RERE: variants seen among roughly 807,000 people sequenced by gnomAD.
RERE encodes arginine-glutamic acid dipeptide repeats protein.
RERE carries 40 observed loss-of-function variants against 146.1 expected under a neutral mutation model. The ratio of observed to expected loss-of-function variants is 0.27; its 90% CI spans 0.21 to 0.36. The LOEUF (loss-of-function observed/expected upper bound fraction) is 0.36. Ranked by LOEUF, RERE falls within the 10% of genes least tolerant of loss-of-function variation. RERE has a pLI of 1.00. For synonymous variants in RERE, 1,003 were observed against 866.0 expected, an observed-to-expected ratio of 1.16 and a Z score of -2.78; for missense variants, 1,933 against 2,138.7, an observed-to-expected ratio of 0.90 and a Z score of 1.90.
At chr1:8,690,490 A>G (rs567830121) in intron 1 of RERE, among the ~76,000 whole-genome samples, 1 of 152,258 alleles carries the variant, frequency 6.6e-6, no homozygotes, top group African/African-American at 2.4e-5. Context: ...GATTGTCTCT[A>G]GGCAGAAATT....
intron 12 of RERE, among the ~76,000 whole-genome samples, chr1:8,368,428 C>A (rs920849108): frequency 6.7e-6 from 1 of 149,050 alleles, no homozygotes; most frequent in Non-Finnish European, 1.5e-5. Flanking sequence ...GAGCCGAGAT[C>A]GTGCCACTGC....
chr1:8,659,382 C>T (rs929031965), intron 1 of RERE, among the ~76,000 whole-genome samples: 4 of 152,212 alleles, frequency 2.6e-5, no homozygotes, highest in Non-Finnish European at 5.9e-5. Flanking sequence ...GATGGCGAAA[C>T]CCTGTCTCTA....
At chr1:8,601,626 C>CCCCA (rs1553119505) in intron 4 of RERE, among the ~76,000 whole-genome samples, 1 of 94,914 alleles carries the variant, frequency 1.1e-5, no homozygotes, top group African/African-American at 4.4e-5. Flanking sequence ...TCCAAGGTCA[C>CCCCA]CACACACACA....
chr1:8,388,459 ACAGGCG>A (rs972648881), intron 12 of RERE, among the ~76,000 whole-genome samples: 1 of 152,076 alleles, frequency 6.6e-6, no homozygotes, highest in Non-Finnish European at 1.5e-5. Context: ...AGCTGGGACT[ACAGGCG>A]CCCGCCACCG....
At chr1:8,531,109 C>T (rs1645646827) in intron 7 of RERE, among the ~76,000 whole-genome samples, 1 of 151,708 alleles carries the variant, frequency 6.6e-6, no homozygotes, top group Non-Finnish European at 1.5e-5. Context: ...ATCTATCTGT[C>T]CATCCATCCA....
At position 8,358,050 on chromosome 1, in the gene RERE, T is replaced by A. The variant is rs116492465; in HGVS notation, c.4339+146A>T. 4.1e-3 allele frequency: 5,700 copies of A among 1,393,410 alleles called. 226 individuals are homozygous for A. The African/African-American group carries it at 0.074, about 18-fold the overall frequency. The allele number at this position is 1,393,410 out of a possible 1,614,324, so 86.3% of individuals were successfully genotyped here. A position where few individuals can be genotyped will look rare whatever the true frequency, so the allele number is the denominator to read the frequency against. On this transcript the variant is annotated intron_variant, in intron 20 of 22. Coordinates refer to ENST00000400908, the MANE Select transcript of RERE (RefSeq NM_001042681.2). ...CGATACAGCAAAACCATGACGGTAG[T>A]GGATGCTGAGCTCTTCTAAGATCTG...
intron 6 of RERE, among the ~76,000 whole-genome samples, chr1:8,549,527 T>A (rs1330726229): frequency 4.0e-5 from 6 of 151,230 alleles, no homozygotes; most frequent in African/African-American, 1.2e-4. Context: ...GAAAAAAAAA[T>A]GAAAAACCAC....
chr1:8,522,907 C>T (rs557670389), intron 7 of RERE, among the ~76,000 whole-genome samples: 9 of 151,376 alleles, frequency 5.9e-5, no homozygotes, highest in Middle Eastern at 3.6e-3. Context: ...TCAGGCCAGG[C>T]ACGCTGGCCT....
chr1:8,388,360 T>G (rs887919715), intron 12 of RERE, among the ~76,000 whole-genome samples: 1 of 150,658 alleles, frequency 6.6e-6, no homozygotes, highest in Non-Finnish European at 1.5e-5. Context: ...TCGCCCAGGC[T>G]GGACTGCGGA....
At chr1:8,557,563 A>G in intron 4 of RERE, 40 bp from the exon 5 acceptor site, 1 of 1,387,516 alleles carries the variant, frequency 7.2e-7, no homozygotes, top group Non-Finnish European at 1.0e-6. Context: ...ACAGGATTTC[A>G]GGTGGCCACA....
chr1:8,365,825 C>T lies in RERE; in HGVS notation c.1434G>A (p.Pro478=), dbSNP rs139440766. ...STPVNTPSRP[P]SSEFLDLSSA... Reference sequence around the variant, plus strand: ...ACCCCTACTCACAGAATTCACTGGACGGGGGTCTGGAGGGTGTGTTGACGG... The same window carrying T: ...ACCCCTACTCACAGAATTCACTGGATGGGGGTCTGGAGGGTGTGTTGACGG... Residue 478 remains proline (P), a synonymous_variant, in exon 13 of 23, where the codon CCG becomes CCA. Transcript: ENST00000400908. The T allele has an allele frequency of 2.6e-5, 42 of 1,614,094 alleles. No homozygotes were observed. The highest frequency in any genetic ancestry group is 3.1e-5 in the Non-Finnish European group (36 of 1,179,992).
intron 1 of RERE, among the ~76,000 whole-genome samples, chr1:8,769,012 T>C (rs1427994116): frequency 1.3e-5 from 2 of 152,188 alleles, no homozygotes; most frequent in Non-Finnish European, 2.9e-5. Flanking sequence ...ATAAATTTTA[T>C]AGGAACACAG....
At chr1:8,488,392 C>T (rs1447678953) in intron 10 of RERE, among the ~76,000 whole-genome samples, 1 of 152,198 alleles carries the variant, frequency 6.6e-6, no homozygotes, top group African/African-American at 2.4e-5. Flanking sequence ...ATTACACGCA[C>T]GTGCCACCAT....
chr1:8,546,610 G>C (rs112893447), intron 6 of RERE, among the ~76,000 whole-genome samples: 1,891 of 152,132 alleles, frequency 0.012, 36 homozygotes, highest in African/African-American at 0.043. Flanking sequence ...CACTTTGGGA[G>C]GTCGAGGTGG....
intron 1 of RERE, among the ~76,000 whole-genome samples, chr1:8,757,919 C>CACACACACACACAT (rs57264533): frequency 0.63 from 94,518 of 150,584 alleles, 30,013 homozygotes; most frequent in East Asian, 0.93. Flanking sequence ...CATACACACA[C>CACACACACACACAT]ACACACACAC....
chr1:8,600,897 G>A (rs1174131257), intron 4 of RERE, among the ~76,000 whole-genome samples: 1 of 150,814 alleles, frequency 6.6e-6, no homozygotes, highest in Non-Finnish European at 1.5e-5. Flanking sequence ...TGGGACTACA[G>A]GTGCCCGCCA....
At chr1:8,698,450 G>A (rs1354486601) in intron 1 of RERE, among the ~76,000 whole-genome samples, 2 of 152,120 alleles carry the variant, frequency 1.3e-5, no homozygotes, top group African/African-American at 4.8e-5. Flanking sequence ...ACACCATCTG[G>A]AGGCTTTTGA....
At chr1:8,453,394 A>T (rs1644411587) in intron 11 of RERE, among the ~76,000 whole-genome samples, 1 of 152,214 alleles carries the variant, frequency 6.6e-6, no homozygotes, top group African/African-American at 2.4e-5. Flanking sequence ...TCAACGTGGG[A>T]GAGATCACCA....
chr1:8,426,220 T>C (rs1369598474), intron 11 of RERE, among the ~76,000 whole-genome samples: 1 of 152,110 alleles, frequency 6.6e-6, no homozygotes, highest in Non-Finnish European at 1.5e-5. Context: ...TTTGGGAGGC[T>C]GAGGCGGGCA....
Sources: allele counts gnomAD v4.1 joint callset (sites outside exome capture counted in the v4.1 genomes callset), GRCh38; gene constraint gnomAD v4.1.1; transcripts MANE v1.5; gene names NCBI Gene and HGNC (gene_info 2026-07-23, HGNC 2026-07-21).